NELL1: variants seen among roughly 807,000 people sequenced by gnomAD.
NELL1 encodes protein kinase C-binding protein NELL1.
NELL1 carries 76 observed loss-of-function variants against 107.4 expected under a neutral mutation model. The observed-to-expected ratio is 0.71, with a 90% CI of 0.59 to 0.86. NELL1 has a LOEUF of 0.86. Ranked by LOEUF, NELL1 falls within the 40% of genes least tolerant of loss-of-function variation. NELL1 has a pLI of 0.00. For missense variants in NELL1, 1,024 were observed against 1,005.5 expected (o/e 1.02, Z -0.25); for synonymous variants, 353 against 341.2 (o/e 1.03, Z -0.38).
intron 15 of NELL1, among the ~76,000 whole-genome samples, chr11:21,462,311 C>T (rs1853919043): frequency 6.6e-6 from 1 of 152,126 alleles, no homozygotes; most frequent in South Asian, 2.1e-4. Flanking sequence ...ATACTAACTA[C>T]TTCATCATGG....
intron 15 of NELL1, among the ~76,000 whole-genome samples, chr11:21,385,910 TA>T (rs1007865607): frequency 3.3e-5 from 5 of 151,892 alleles, no homozygotes; most frequent in African/African-American, 1.2e-4. Flanking sequence ...TTTCTTTCTC[TA>T]GTTTCCTTCT....
At chr11:20,773,178 T>C (rs1355109096) in intron 2 of NELL1, among the ~76,000 whole-genome samples, 5 of 152,198 alleles carry the variant, frequency 3.3e-5, no homozygotes, top group Non-Finnish European at 5.9e-5. Flanking sequence ...CAACCATCAG[T>C]GTGACCTTTA....
chr11:21,074,972 T>C (rs1376640279), intron 12 of NELL1, among the ~76,000 whole-genome samples: 10 of 152,176 alleles, frequency 6.6e-5, no homozygotes, highest in Admixed American at 6.6e-4. Flanking sequence ...TAATTTTGCA[T>C]GGGTAGAGAA....
At chr11:20,995,156 A>G (rs1238100945) in intron 12 of NELL1, among the ~76,000 whole-genome samples, 1 of 152,086 alleles carries the variant, frequency 6.6e-6, no homozygotes, top group Non-Finnish European at 1.5e-5. Flanking sequence ...TGCTGCAGAG[A>G]AAATTGATCA....
At chr11:21,241,907 T>A (rs76593266) in intron 14 of NELL1, among the ~76,000 whole-genome samples, 194 of 149,632 alleles carry the variant, frequency 1.3e-3, no homozygotes, top group Middle Eastern at 6.9e-3. Context: ...TGTTTCTATT[T>A]TTTTTTTTTT....
At chr11:21,276,140 A>G (rs918184022) in intron 14 of NELL1, among the ~76,000 whole-genome samples, 1 of 152,224 alleles carries the variant, frequency 6.6e-6, no homozygotes, top group African/African-American at 2.4e-5. Flanking sequence ...ATGATTGTAT[A>G]TTTAGAAAAC....
At chr11:21,546,971 G>GTGTT (rs1321551206) in intron 16 of NELL1, among the ~76,000 whole-genome samples, 2 of 151,966 alleles carry the variant, frequency 1.3e-5, no homozygotes, top group Non-Finnish European at 2.9e-5. Flanking sequence ...GGTCTGGTCA[G>GTGTT]TGTTAGTTCC....
At chr11:21,559,619 A>T (rs1482883764) in intron 16 of NELL1, among the ~76,000 whole-genome samples, 3 of 152,136 alleles carry the variant, frequency 2.0e-5, no homozygotes, top group Non-Finnish European at 4.4e-5. Context: ...TGACTATAAA[A>T]GACACCTATC....
chr11:20,705,932 C>G lies in NELL1; in HGVS notation c.184+27872C>G, dbSNP rs983328603. ...GTGAAAAAATGCTCATCATGACTGG[C>G]CATCAGAGAAATGCAAATGAAAACC... is the stretch of plus-strand genomic sequence containing the variant. On this transcript the variant is annotated intron_variant, in intron 2 of 19. Coordinates refer to ENST00000357134, the MANE Select transcript of NELL1 (RefSeq NM_006157.5). Among the ~76,000 whole-genome samples, 22 of 152,208 alleles carry G rather than the reference C, an allele frequency of 1.4e-4. 1 individual carries two copies. Among genetic ancestry groups the G allele is most frequent in the African/African-American group, 3.9e-4 (16 of 41,528 alleles).
intron 15 of NELL1, among the ~76,000 whole-genome samples, chr11:21,478,811 G>T (rs1590963459): frequency 7.1e-6 from 1 of 140,860 alleles, no homozygotes; most frequent in East Asian, 2.1e-4. Context: ...TAAATAAATA[G>T]AATATATAGG....
intron 15 of NELL1, among the ~76,000 whole-genome samples, chr11:21,488,812 A>G (rs766567883): frequency 5.5e-4 from 84 of 152,144 alleles, no homozygotes; most frequent in Non-Finnish European, 9.6e-4. Context: ...TTATATAGCA[A>G]TAAATGCCTA....
intron 4 of NELL1, among the ~76,000 whole-genome samples, chr11:20,863,826 C>T (rs1849040760): frequency 6.6e-6 from 1 of 152,224 alleles, no homozygotes; most frequent in Non-Finnish European, 1.5e-5. Flanking sequence ...ACATTGAGCA[C>T]TGAGTGAACG....
At chr11:21,397,238 TTCTTTAAATAATTAGCA>T (rs1418237686) in intron 15 of NELL1, among the ~76,000 whole-genome samples, 1 of 151,656 alleles carries the variant, frequency 6.6e-6, no homozygotes, top group Non-Finnish European at 1.5e-5. Flanking sequence ...TGATTTATTG[TTCTTTAAATAATTAGCA>T]TATTAATATA....
intron 14 of NELL1, among the ~76,000 whole-genome samples, chr11:21,261,169 G>A (rs1334611879): frequency 1.3e-5 from 2 of 151,224 alleles, no homozygotes; most frequent in East Asian, 1.9e-4. Context: ...GATAATTTGG[G>A]TGAAAATAAA....
chr11:21,288,349 G>A (rs971153329), intron 14 of NELL1, among the ~76,000 whole-genome samples: 3 of 152,174 alleles, frequency 2.0e-5, no homozygotes, highest in Non-Finnish European at 4.4e-5. Context: ...GAAAATGTCT[G>A]TACTGCATTT....
intron 15 of NELL1, among the ~76,000 whole-genome samples, chr11:21,477,619 T>A (rs1352596623): frequency 1.3e-5 from 2 of 151,912 alleles, no homozygotes; most frequent in Non-Finnish European, 2.9e-5. Flanking sequence ...AAGAATATAA[T>A]AAATACCTAA....
Position 21,560,311 on chromosome 11 carries a change from G to T in NELL1, c.1909G>T (p.Glu637Ter). Reference sequence around the variant, plus strand: ...CTCCTGCTCTGGTGACTGTCCTCATGAAGGGGGGCTGAAGCACAATGGCCA... The same window carrying T: ...CTCCTGCTCTGGTGACTGTCCTCATTAAGGGGGGCTGAAGCACAATGGCCA... ...GPSCSGDCPH[E>*]GGLKHNGQVW... Residue 637 changes from glutamate to a stop codon, truncating the protein, a stop_gained, in exon 17 of 20, where the codon GAA becomes TAA. Coordinates refer to ENST00000357134, the MANE Select transcript of NELL1 (RefSeq NM_006157.5). LOFTEE classifies it high-confidence loss of function. 4.3e-6 allele frequency: 7 copies of T among 1,613,204 alleles called. No individual in the cohort carries two copies. Among genetic ancestry groups the T allele is most frequent in the Non-Finnish European group, 5.9e-6 (7 of 1,179,580 alleles).
At chr11:21,299,555 G>C (rs1239793551) in intron 14 of NELL1, among the ~76,000 whole-genome samples, 3 of 137,910 alleles carry the variant, frequency 2.2e-5, no homozygotes, top group African/African-American at 5.3e-5. Context: ...GTGTGTGTGT[G>C]TGTGTGTGTT....
At chr11:21,265,933 T>C (rs1277879484) in intron 14 of NELL1, among the ~76,000 whole-genome samples, 1 of 152,046 alleles carries the variant, frequency 6.6e-6, no homozygotes, top group East Asian at 1.9e-4. Flanking sequence ...TTTTGGTCAA[T>C]ATTTTTCTAC....
Sources: gnomAD v4.1 joint callset for allele counts (sites outside exome capture counted in the v4.1 genomes callset) on GRCh38, gnomAD v4.1.1 for gene constraint, MANE v1.5 for transcripts, NCBI Gene and HGNC (gene_info 2026-07-23, HGNC 2026-07-21) for gene names.